The following ANTXR1 variants were observed in gnomAD, a reference collection of about 807,000 sequenced individuals.
ANTXR1 encodes the protein ANTXR cell adhesion molecule 1.
In ANTXR1, 19 loss-of-function variants were observed where a neutral mutation model predicts 78.1. The ratio of observed to expected loss-of-function variants is 0.24; its 90% CI spans 0.17 to 0.36. ANTXR1 has a LOEUF of 0.36. ANTXR1 is among the 10% of genes least tolerant of loss of function. The pLI is 1.00. For missense variants in ANTXR1, 518 were observed against 718.6 expected (o/e 0.72, Z 3.19); for synonymous variants, 273 against 260.5 (o/e 1.05, Z -0.46).
At chr2:69,142,688 G>T (rs889435716) in intron 12 of ANTXR1, among the ~76,000 whole-genome samples, 3 of 152,222 alleles carry the variant, frequency 2.0e-5, no homozygotes, top group Admixed American at 6.5e-5. Context: ...CCTGAGCAAA[G>T]ACTTGAAAGA....
chr2:69,099,494 T>C (rs941765605), intron 9 of ANTXR1, among the ~76,000 whole-genome samples: 2 of 152,242 alleles, frequency 1.3e-5, no homozygotes, highest in African/African-American at 4.8e-5. Context: ...AAGGTAACTG[T>C]GTTTAACTTT....
intron 10 of ANTXR1, 149 bp downstream of exon 10, chr2:69,103,089 C>T: frequency 3.5e-6 from 3 of 845,466 alleles, no homozygotes; most frequent in Non-Finnish European, 5.9e-6. Flanking sequence ...GCATAGTGAG[C>T]CCTTACAGTG....
chr2:69,056,695 G>T lies in ANTXR1; in HGVS notation c.296+11882G>T, dbSNP rs187830501. Among the ~76,000 whole-genome samples the T allele has an allele frequency of 5.9e-3, 891 of 151,916 alleles. 8 individuals are homozygous for T. The highest frequency in any genetic ancestry group is 9.7e-3 in the Non-Finnish European group (662 of 67,982). On this transcript the variant is annotated intron_variant, in intron 3 of 17. Coordinates refer to ENST00000303714, the MANE Select transcript of ANTXR1 (RefSeq NM_032208.3). ...TTTTTTTAAAATTTTATTTATTTTT[G>T]AGAGGGTTTTGCTCTGTTGCCCAGG...
intron 7 of ANTXR1, among the ~76,000 whole-genome samples, chr2:69,076,140 A>AT (rs1553359341): frequency 5.9e-5 from 9 of 151,286 alleles, no homozygotes; most frequent in Middle Eastern, 3.4e-3. Context: ...ACACTTGGCT[A>AT]CTTTTTTTTA....
chr2:69,084,591 G>GTTTT (rs10708895), intron 8 of ANTXR1, among the ~76,000 whole-genome samples: 2 of 109,124 alleles, frequency 1.8e-5, no homozygotes, highest in Non-Finnish European at 1.8e-5. Flanking sequence ...TATTTGTAAA[G>GTTTT]TTTTTTTTTT....
chr2:69,090,873 C>G lies in ANTXR1; in HGVS notation c.657C>G (p.Ser219=). 1.1e-5 allele frequency: 17 copies of G among 1,613,184 alleles called. No homozygotes were observed. Among genetic ancestry groups the G allele is most frequent in the Non-Finnish European group, 1.4e-5 (17 of 1,180,002 alleles). The change falls in exon 9 of 18, where the codon TCC becomes TCG. Residue 219 remains serine (S), a synonymous_variant. Coordinates refer to ENST00000303714, the MANE Select transcript of ANTXR1 (RefSeq NM_032208.3). The part of the protein sequence containing the change: ...QGIIHSILKK[S]CIEILAAEPS... The stretch of plus-strand genomic sequence containing the variant: ...GCTCCTCCTAGATTTTGAAGAAGTC[C>G]TGCATCGAAATTCTAGCAGCTGAAC...
At chr2:69,016,888 G>C (rs1671042739) in intron 1 of ANTXR1, among the ~76,000 whole-genome samples, 1 of 152,194 alleles carries the variant, frequency 6.6e-6, no homozygotes, top group Non-Finnish European at 1.5e-5. Context: ...TGTTGTAAAG[G>C]ATGCTGCTGC....
intron 12 of ANTXR1, chr2:69,145,201 C>A: frequency 2.2e-6 from 2 of 926,046 alleles, no homozygotes; most frequent in Non-Finnish European, 3.4e-6. Context: ...GGCAGAGTTA[C>A]GGGGGGCTGA....
Position 69,085,542 on chromosome 2 carries a change from G to C in ANTXR1, c.643-5317G>C, listed in dbSNP as rs75670758. On this transcript the variant is annotated intron_variant, in intron 8 of 17. Coordinates refer to ENST00000303714, the MANE Select transcript of ANTXR1 (RefSeq NM_032208.3). Reference sequence around the variant, plus strand: ...TAATACATAATATGCTACAATGCCAGTTTATTAAGACGTGCAGGAAGTGTG... The same window carrying C: ...TAATACATAATATGCTACAATGCCACTTTATTAAGACGTGCAGGAAGTGTG... Among the ~76,000 whole-genome samples, 1,276 of 152,210 alleles carry C rather than the reference G, an allele frequency of 8.4e-3. 29 individuals carry two copies. In the East Asian group the frequency reaches 0.086, roughly 10 times the overall value.
chr2:69,059,501 C>A (rs1311026453), intron 3 of ANTXR1, among the ~76,000 whole-genome samples: 1 of 150,710 alleles, frequency 6.6e-6, no homozygotes, highest in Non-Finnish European at 1.5e-5. Context: ...TTTTTGAGAC[C>A]GAGTTTTGCT....
At chr2:69,034,884 T>G (rs1671635588) in intron 1 of ANTXR1, among the ~76,000 whole-genome samples, 1 of 152,066 alleles carries the variant, frequency 6.6e-6, no homozygotes, top group Non-Finnish European at 1.5e-5. Context: ...CATTGTAGGG[T>G]GGAAAGAAAC....
intron 8 of ANTXR1, among the ~76,000 whole-genome samples, chr2:69,089,152 T>A (rs545771866): frequency 6.6e-6 from 1 of 152,298 alleles, no homozygotes; most frequent in South Asian, 2.1e-4. Context: ...AAAAATGCCA[T>A]GAAGTTCTAC....
intron 1 of ANTXR1, among the ~76,000 whole-genome samples, chr2:69,035,855 T>G (rs1482498448): frequency 6.6e-6 from 1 of 152,234 alleles, no homozygotes; most frequent in African/African-American, 2.4e-5. Flanking sequence ...GATGTAGACT[T>G]TTGTCAACAC....
intron 17 of ANTXR1, among the ~76,000 whole-genome samples, chr2:69,196,464 A>G (rs1674670302): frequency 6.6e-6 from 1 of 152,240 alleles, no homozygotes; most frequent in Admixed American, 6.5e-5. Flanking sequence ...CAGATGAGGT[A>G]AGAACCAGAA....
At chr2:69,055,577 AC>A (rs1165262263) in intron 3 of ANTXR1, among the ~76,000 whole-genome samples, 2 of 152,016 alleles carry the variant, frequency 1.3e-5, no homozygotes, top group Non-Finnish European at 2.9e-5. Context: ...GTAAAATTGT[AC>A]CCCCTGAGGC....
At chr2:69,138,290 C>T (rs906493393) in intron 12 of ANTXR1, among the ~76,000 whole-genome samples, 3 of 152,008 alleles carry the variant, frequency 2.0e-5, no homozygotes, top group African/African-American at 7.2e-5. Flanking sequence ...TTAAATAGTC[C>T]AACATTGGCA....
In ANTXR1 at chr2:69,040,096, T is replaced by C. The variant is rs1451939068; in HGVS notation, c.205T>C (p.Leu69=). ...TGAAATCTATTACTTTGTGGAACAG[T>C]TGGCTCACAAATTCATCAGGTGAGA... ...WNEIYYFVEQ[L]AHKFISPQLR... is the part of the protein sequence containing the mutation. The change falls in exon 2 of 18, where the codon TTG becomes CTG. Residue 69 remains leucine (L), a synonymous_variant. Coordinates refer to ENST00000303714, the MANE Select transcript of ANTXR1 (RefSeq NM_032208.3). The C allele has an allele frequency of 6.2e-7, 1 of 1,613,416 alleles. No homozygotes were observed. The highest frequency in any genetic ancestry group is 8.5e-7 in the Non-Finnish European group (1 of 1,179,508).
At chr2:69,143,887 T>A (rs564227190) in intron 12 of ANTXR1, among the ~76,000 whole-genome samples, 1 of 151,982 alleles carries the variant, frequency 6.6e-6, no homozygotes, top group East Asian at 1.9e-4. Context: ...GCCAGAGGAA[T>A]AGAATTTCAA....
chr2:69,200,285 G>A (rs757730624), intron 17 of ANTXR1, among the ~76,000 whole-genome samples: 5 of 152,194 alleles, frequency 3.3e-5, no homozygotes, highest in Admixed American at 6.5e-5. Flanking sequence ...AAACACACAC[G>A]TAAATGTACA....
Sources: allele counts gnomAD v4.1 joint callset (sites outside exome capture counted in the v4.1 genomes callset), GRCh38; gene constraint gnomAD v4.1.1; transcripts MANE v1.5; gene names NCBI Gene and HGNC (gene_info 2026-07-23, HGNC 2026-07-21).